SH3GL2: variants seen among roughly 807,000 people sequenced by gnomAD.
SH3GL2 encodes the protein SH3 domain containing GRB2 like 2, endophilin A1.
Under a neutral mutation model 46.0 loss-of-function variants are expected in SH3GL2, and 24 were observed. The ratio of observed to expected loss-of-function variants is 0.52; its 90% confidence interval spans 0.38 to 0.73. SH3GL2 has a LOEUF of 0.73. SH3GL2 is among the 30% of genes least tolerant of loss of function. The pLI is 0.00. For missense variants in SH3GL2, 413 were observed against 424.2 expected, an observed-to-expected ratio of 0.97 and a Z score of 0.23; for synonymous variants, 196 against 147.1, an observed-to-expected ratio of 1.33 and a Z score of -2.40.
At chr9:17,677,445 A>G (rs966356249) in intron 1 of SH3GL2, among the ~76,000 whole-genome samples, 1 of 152,106 alleles carries the variant, frequency 6.6e-6, no homozygotes, top group African/African-American at 2.4e-5. Context: ...ATAACCTTCA[A>G]CCAAGCACTT....
chr9:17,641,149 A>G (rs1370022899), intron 1 of SH3GL2, among the ~76,000 whole-genome samples: 1 of 152,124 alleles, frequency 6.6e-6, no homozygotes, highest in African/African-American at 2.4e-5. Context: ...CAAGTTTCCA[A>G]TATTATAAAC....
chr9:17,735,872 C>G (rs4515654), intron 1 of SH3GL2: 18,536 of 291,690 alleles, frequency 0.064, 768 homozygotes, highest in Admixed American at 0.13. Context: ...TTGCAGCAGC[C>G]TTTCCTGTTA....
chr9:17,752,295 T>G (rs547741875), intron 2 of SH3GL2, among the ~76,000 whole-genome samples: 5 of 152,208 alleles, frequency 3.3e-5, no homozygotes, highest in African/African-American at 7.2e-5. Context: ...GAGCTGTTCT[T>G]GTTCAGGAGT....
intron 3 of SH3GL2, among the ~76,000 whole-genome samples, chr9:17,765,626 T>G (rs1305861886): frequency 6.6e-6 from 1 of 152,242 alleles, no homozygotes; most frequent in Non-Finnish European, 1.5e-5. Flanking sequence ...ATGGTCAGCC[T>G]GCCCTTTCCC....
intron 1 of SH3GL2, among the ~76,000 whole-genome samples, chr9:17,724,363 A>G (rs1821970322): frequency 6.6e-6 from 1 of 152,022 alleles, no homozygotes; most frequent in Non-Finnish European, 1.5e-5. Flanking sequence ...TATATCCTCT[A>G]TTTGATAAGA....
chr9:17,595,158 A>C (rs546228200), intron 1 of SH3GL2, among the ~76,000 whole-genome samples: 1 of 152,326 alleles, frequency 6.6e-6, no homozygotes, highest in South Asian at 2.1e-4. Flanking sequence ...GTCAGGATTG[A>C]AACCACACCA....
intron 3 of SH3GL2, among the ~76,000 whole-genome samples, chr9:17,773,070 A>G (rs1318562920): frequency 6.6e-6 from 1 of 152,034 alleles, no homozygotes; most frequent in Non-Finnish European, 1.5e-5. Context: ...TTGATTTGTA[A>G]TGACCTAATG....
chr9:17,688,169 G>C (rs898699505), intron 1 of SH3GL2, among the ~76,000 whole-genome samples: 8 of 152,004 alleles, frequency 5.3e-5, no homozygotes, highest in Admixed American at 2.6e-4. Context: ...GCCTCATGTC[G>C]AGGTGTACCA....
chr9:17,738,626 T>TTATA (rs368436353), intron 1 of SH3GL2, among the ~76,000 whole-genome samples: 1,321 of 74,768 alleles, frequency 0.018, 72 homozygotes, highest in African/African-American at 0.058. Context: ...TCATGTGATT[T>TTATA]TATATATATA....
chr9:17,617,528 G>T (rs746522873), intron 1 of SH3GL2, among the ~76,000 whole-genome samples: 2 of 152,176 alleles, frequency 1.3e-5, no homozygotes, highest in East Asian at 3.9e-4. Flanking sequence ...ACGTGCTCAT[G>T]TGGTTTTAAG....
At chr9:17,741,738 C>G (rs528526838) in intron 1 of SH3GL2, among the ~76,000 whole-genome samples, 1 of 152,164 alleles carries the variant, frequency 6.6e-6, no homozygotes, top group Non-Finnish European at 1.5e-5. Context: ...ATAAAAGAAC[C>G]TGTGATATAT....
At chr9:17,745,191 G>C (rs1224450507) in intron 1 of SH3GL2, among the ~76,000 whole-genome samples, 2 of 152,132 alleles carry the variant, frequency 1.3e-5, no homozygotes, top group East Asian at 1.9e-4. Context: ...TAAATTGAAA[G>C]TATGTGTCAG....
rs559113064 is a variant in SH3GL2 at position 17,632,893 on chromosome 9, A to C, written c.45+53606A>C. ...CAGCTTTGTTGTAAACAGGTAACGG[A>C]TTGTGGTGTTTTATTACTTGATACT... On this transcript the variant is annotated intron_variant, in intron 1 of 8. Coordinates refer to ENST00000380607, the MANE Select transcript of SH3GL2 (RefSeq NM_003026.5). 2.0e-5 allele frequency among the ~76,000 whole-genome samples: 3 copies of C among 152,262 alleles called. No homozygotes were observed. In the South Asian group the frequency reaches 6.2e-4, roughly 32 times the overall value.
chr9:17,593,170 A>C (rs894842468), intron 1 of SH3GL2, among the ~76,000 whole-genome samples: 1 of 152,230 alleles, frequency 6.6e-6, no homozygotes, highest in African/African-American at 2.4e-5. Context: ...ATGGCTAAAC[A>C]TAAGTAAGTG....
At chr9:17,691,892 C>G (rs750020125) in intron 1 of SH3GL2, among the ~76,000 whole-genome samples, 4 of 152,002 alleles carry the variant, frequency 2.6e-5, no homozygotes, top group African/African-American at 9.7e-5. Flanking sequence ...GCCTGATGTT[C>G]TTTGAGAGTA....
chr9:17,665,963 A>G (rs768717549), intron 1 of SH3GL2, among the ~76,000 whole-genome samples: 7 of 150,684 alleles, frequency 4.6e-5, no homozygotes, highest in African/African-American at 1.7e-4. Context: ...CACAGGGTTC[A>G]TTGCAGTAGT....
In SH3GL2 at chr9:17,580,198, T is replaced by C. The variant is rs146817496; in HGVS notation, c.45+911T>C. Among the ~76,000 whole-genome samples, 340 of 152,356 alleles carry C rather than the reference T, an allele frequency of 2.2e-3. 5 individuals carry two copies. The highest frequency in any genetic ancestry group is 7.8e-3 in the African/African-American group (325 of 41,578). Reference sequence around the variant, plus strand: ...TGTGATTACTACTTTTTTATCCTTCTGAAATAGGTTCAAATTTATGGGATC... The same window carrying C: ...TGTGATTACTACTTTTTTATCCTTCCGAAATAGGTTCAAATTTATGGGATC... On this transcript the variant is annotated intron_variant, in intron 1 of 8. Coordinates refer to ENST00000380607, the MANE Select transcript of SH3GL2 (RefSeq NM_003026.5).
At chr9:17,623,577 G>GT (rs1163229787) in intron 1 of SH3GL2, among the ~76,000 whole-genome samples, 2 of 152,010 alleles carry the variant, frequency 1.3e-5, no homozygotes, top group Admixed American at 6.6e-5. Flanking sequence ...GGTTCAATAT[G>GT]TTTTTTGTTT....
chr9:17,736,545 C>A (rs1249955494), intron 1 of SH3GL2, among the ~76,000 whole-genome samples: 1 of 152,068 alleles, frequency 6.6e-6, no homozygotes. Context: ...GAGCATGGTG[C>A]CAGTAGCTTC....
Sources: gnomAD v4.1 joint callset for allele counts (sites outside exome capture counted in the v4.1 genomes callset) on GRCh38, gnomAD v4.1.1 for gene constraint, MANE v1.5 for transcripts, NCBI Gene and HGNC (gene_info 2026-07-23, HGNC 2026-07-21) for gene names.